Variants in TMEM117 observed in about 807,000 individuals in gnomAD.
TMEM117 encodes transmembrane protein 117.
TMEM117 carries 27 observed loss-of-function variants against 52.4 expected under a neutral mutation model. The observed-to-expected ratio is 0.51, with a 90% CI of 0.38 to 0.71. TMEM117 has a LOEUF of 0.71. Ranked by LOEUF, TMEM117 falls within the 30% of genes least tolerant of loss-of-function variation. The pLI, the probability that TMEM117 is intolerant of heterozygous loss-of-function variation, is 0.00. For synonymous variants in TMEM117, 215 were observed against 206.3 expected, an observed-to-expected ratio of 1.04 and a Z score of -0.36; for missense variants, 556 against 630.5, an observed-to-expected ratio of 0.88 and a Z score of 1.26.
chr12:43,874,530 G>A (rs1428649654), intron 2 of TMEM117, among the ~76,000 whole-genome samples: 1 of 152,132 alleles, frequency 6.6e-6, no homozygotes, highest in African/African-American at 2.4e-5. Context: ...GGCAGAGGTT[G>A]CAATGAGCCG....
At chr12:44,393,643 G>C (rs1004191252), downstream of TMEM117, among the ~76,000 whole-genome samples, 2 of 152,124 alleles carry the variant, frequency 1.3e-5, no homozygotes, top group Non-Finnish European at 2.9e-5. Context: ...CAGAGTATCT[G>C]TATCAAATGG....
chr12:44,345,430 G>C (rs1275416341), intron 6 of TMEM117, among the ~76,000 whole-genome samples: 1 of 152,036 alleles, frequency 6.6e-6, no homozygotes, highest in East Asian at 1.9e-4. Context: ...ACCTTAGGTA[G>C]GTTACTTTAC....
chr12:44,306,974 A>C (rs1156522968), intron 6 of TMEM117, among the ~76,000 whole-genome samples: 2 of 152,254 alleles, frequency 1.3e-5, no homozygotes, highest in Non-Finnish European at 2.9e-5. Context: ...GCACTGAAAA[A>C]ATAATCATGA....
intron 6 of TMEM117, among the ~76,000 whole-genome samples, chr12:44,363,792 T>G (rs1373923162): frequency 6.6e-6 from 1 of 152,116 alleles, no homozygotes; most frequent in African/African-American, 2.4e-5. Flanking sequence ...TTAGTTGAGG[T>G]ATTTGTTTTG....
intron 2 of TMEM117, among the ~76,000 whole-genome samples, chr12:43,910,672 A>G (rs1218882944): frequency 2.1e-5 from 3 of 146,318 alleles, no homozygotes; most frequent in African/African-American, 7.5e-5. Context: ...TCAATGTACA[A>G]AAATCACAAG....
intron 6 of TMEM117, among the ~76,000 whole-genome samples, chr12:44,312,418 A>G (rs1208891032): frequency 5.3e-5 from 8 of 151,704 alleles, no homozygotes; most frequent in Non-Finnish European, 1.0e-4. Flanking sequence ...AGATGAATCT[A>G]TGTTGCTGCA....
intron 5 of TMEM117, among the ~76,000 whole-genome samples, chr12:44,254,812 C>T (rs1469140527): frequency 6.6e-6 from 1 of 152,008 alleles, no homozygotes; most frequent in East Asian, 1.9e-4. Context: ...TCCCCTCTCC[C>T]CCCACCCCAC....
At chr12:44,025,877 G>A (rs1249731774) in intron 3 of TMEM117, among the ~76,000 whole-genome samples, 3 of 151,830 alleles carry the variant, frequency 2.0e-5, no homozygotes, top group Admixed American at 6.6e-5. Flanking sequence ...TGAATTTCTG[G>A]TATAATCAAA....
At chr12:44,300,908 G>A (rs982452568) in intron 6 of TMEM117, among the ~76,000 whole-genome samples, 17 of 152,138 alleles carry the variant, frequency 1.1e-4, no homozygotes, top group Non-Finnish European at 2.5e-4. Flanking sequence ...GCTGTAGGAC[G>A]TCCCATGGGT....
chr12:44,079,691 G>C (rs1947448422), intron 3 of TMEM117, among the ~76,000 whole-genome samples: 1 of 151,962 alleles, frequency 6.6e-6, no homozygotes, highest in Non-Finnish European at 1.5e-5. Context: ...CCAAAAAATT[G>C]TTTATCTCCA....
intron 4 of TMEM117, among the ~76,000 whole-genome samples, chr12:44,194,762 C>T (rs887890625): frequency 6.6e-6 from 1 of 152,020 alleles, no homozygotes; most frequent in Non-Finnish European, 1.5e-5. Context: ...GCCCAGGAGG[C>T]CGAGGTTGCA....
At chr12:43,852,341 G>A (rs61930689) in intron 2 of TMEM117, among the ~76,000 whole-genome samples, 8,622 of 152,258 alleles carry the variant, frequency 0.057, 304 homozygotes, top group Middle Eastern at 0.13. Context: ...TGAGGCAGGA[G>A]ATTGGCGTGA....
chr12:44,327,653 A>G (rs1462532851), intron 6 of TMEM117, among the ~76,000 whole-genome samples: 1 of 152,226 alleles, frequency 6.6e-6, no homozygotes, highest in Non-Finnish European at 1.5e-5. Flanking sequence ...TCTGGCCATT[A>G]ACGGATAGTT....
At chr12:44,364,096 C>A (rs1052694183) in intron 6 of TMEM117, among the ~76,000 whole-genome samples, 2 of 152,060 alleles carry the variant, frequency 1.3e-5, no homozygotes, top group African/African-American at 4.8e-5. Context: ...TTGCAGATAT[C>A]CATAAAGCAA....
chr12:44,097,636 G>A lies in TMEM117; in HGVS notation c.411-45889G>A, dbSNP rs187622526. On this transcript the variant is annotated intron_variant, in intron 3 of 7. Coordinates refer to ENST00000266534, the MANE Select transcript of TMEM117 (RefSeq NM_032256.3). ...AAGGACAAAAAACCAAACACCGCAT[G>A]TTCTCACTCATAGGTGGGAATTGAA... Among the ~76,000 whole-genome samples, 1,118 of 148,256 alleles carry A rather than the reference G, an allele frequency of 7.5e-3. 17 individuals carry two copies. The highest frequency in any genetic ancestry group is 0.027 in the African/African-American group (1,085 of 40,300).
chr12:43,826,113 C>T, the TMEM117 span, among the ~76,000 whole-genome samples: 7 of 152,198 alleles, frequency 4.6e-5, no homozygotes, highest in Non-Finnish European at 8.8e-5. Flanking sequence ...ACATTTGCAC[C>T]TTTGGTGGGT....
At chr12:43,809,721 G>C in the TMEM117 span, among the ~76,000 whole-genome samples, 1 of 152,090 alleles carries the variant, frequency 6.6e-6, no homozygotes. Flanking sequence ...CACGTCCTTA[G>C]ATTTATAAAG....
the TMEM117 span, among the ~76,000 whole-genome samples, chr12:43,825,644 T>C: frequency 6.6e-6 from 1 of 152,096 alleles, no homozygotes. Flanking sequence ...TTAAATATTA[T>C]ACTATTCAAA....
intron 2 of TMEM117, among the ~76,000 whole-genome samples, chr12:43,857,313 CTT>C (rs10625731): frequency 4.0e-5 from 6 of 148,196 alleles, no homozygotes; most frequent in African/African-American, 7.5e-5. Flanking sequence ...TTTCTAGGTA[CTT>C]TTTTTTTTTT....
Sources: gnomAD v4.1 joint callset for allele counts (sites outside exome capture counted in the v4.1 genomes callset) on GRCh38, gnomAD v4.1.1 for gene constraint, MANE v1.5 for transcripts, NCBI Gene and HGNC (gene_info 2026-07-23, HGNC 2026-07-21) for gene names.